Variants in ANXA2 observed in about 807,000 individuals in gnomAD.
The protein encoded by ANXA2 is annexin II.
Under a neutral mutation model 47.3 loss-of-function variants are expected in ANXA2, and 28 were observed. The observed-to-expected ratio is 0.59, with a 90% CI of 0.44 to 0.81. ANXA2 has a LOEUF of 0.81. ANXA2 is among the 40% of genes least tolerant of loss of function. The pLI is 0.00. For missense variants in ANXA2, 384 were observed against 414.3 expected, an observed-to-expected ratio of 0.93 and a Z score of 0.64; for synonymous variants, 172 against 155.5, an observed-to-expected ratio of 1.11 and a Z score of -0.79.
intron 3 of ANXA2, 122 bp from the exon 4 acceptor site, chr15:60,364,645 CCA>C: frequency 1.5e-6 from 1 of 645,734 alleles, no homozygotes; most frequent in Admixed American, 3.4e-5. Context: ...ACTGAAATAC[CCA>C]GACACCAAGA....
At chr15:60,361,907 T>G (rs1472421472) in intron 4 of ANXA2, among the ~76,000 whole-genome samples, 1 of 142,270 alleles carries the variant, frequency 7.0e-6, no homozygotes, top group Non-Finnish European at 1.5e-5. Flanking sequence ...TTCTTTTCGC[T>G]TTTTTTTTTT....
rs761886498 is a variant in ANXA2 at position 60,351,728 on chromosome 15, G to A, written c.774C>T (p.Asn258=). 10 of 1,608,288 alleles carry A rather than the reference G, an allele frequency of 6.2e-6. No individual in the cohort carries two copies. The highest frequency in any genetic ancestry group is 8.5e-6 in the Non-Finnish European group (10 of 1,174,798). Residue 258 remains asparagine (N), a synonymous_variant, in exon 10 of 13, where the codon AAC becomes AAT. Coordinates refer to ENST00000451270, the MANE Select transcript of ANXA2 (RefSeq NM_004039.3). ...ATGGGGGCCACATTCACTTACCCAG[G>A]TTCAGGAAAGCATTTTCCAGGTCTC... The part of the protein sequence containing the change: ...VKGDLENAFL[N]LVQCIQNKPL...
chr15:60,355,006 T>C (rs1361954966), intron 7 of ANXA2, among the ~76,000 whole-genome samples: 1 of 152,122 alleles, frequency 6.6e-6, no homozygotes. Context: ...GTCAGTCAGA[T>C]GCAGCTAGCC....
At chr15:60,359,136 G>A (rs2062475780) in intron 5 of ANXA2, among the ~76,000 whole-genome samples, 1 of 152,050 alleles carries the variant, frequency 6.6e-6, no homozygotes. Flanking sequence ...GATTTTGGAC[G>A]GGTATTCAAC....
rs867636855 is a variant in ANXA2, at chr15:60,355,927, G to C, written c.520C>G (p.Leu174Val). Residue 174 changes from leucine (L) to valine (V), a missense_variant, in exon 7 of 13, where the codon CTG (leucine) becomes GTG (valine). Physicochemically the swap from Leu to Val is conservative, Grantham distance 32 (BLOSUM62 1). Transcript: ENST00000451270. ...GAAACTGGGAAACCAACCTTTGCCA[G>C]GGCAACCATCAGCTTGCGGAAGTCA... ...SGDFRKLMVA[L>V]AKGRRAEDGS... 1 of 1,613,932 alleles carries C rather than the reference G, an allele frequency of 6.2e-7. No individual in the cohort carries two copies. Among genetic ancestry groups the C allele is most frequent in the East Asian group, 2.2e-5 (1 of 44,884 alleles).
At chr15:60,377,170 T>G (rs1420040025) in intron 3 of ANXA2, among the ~76,000 whole-genome samples, 5 of 152,192 alleles carry the variant, frequency 3.3e-5, no homozygotes, top group Non-Finnish European at 4.4e-5. Flanking sequence ...TTAATTACAC[T>G]TAAGGCAAAA....
chr15:60,397,656 C>T (rs2140953749), intron 1 of ANXA2, among the ~76,000 whole-genome samples: 1 of 152,164 alleles, frequency 6.6e-6, no homozygotes, highest in Admixed American at 6.5e-5. Context: ...GCCGCCTCGC[C>T]CCGCTCCCGC....
At chr15:60,397,161 G>A (rs2063091090) in intron 1 of ANXA2, 1 of 656,206 alleles carries the variant, frequency 1.5e-6, no homozygotes, top group Non-Finnish European at 1.9e-6. Context: ...AGAGGCCCCG[G>A]GGCCACGCCC....
intron 3 of ANXA2, among the ~76,000 whole-genome samples, chr15:60,372,618 A>ACTT (rs1433302887): frequency 6.6e-6 from 1 of 151,992 alleles, no homozygotes; most frequent in Admixed American, 6.6e-5. Context: ...CCAGTAGAAA[A>ACTT]GATAACCCCA....
intron 3 of ANXA2, among the ~76,000 whole-genome samples, chr15:60,376,174 T>G (rs1198417672): frequency 6.6e-6 from 1 of 151,728 alleles, no homozygotes; most frequent in Admixed American, 6.6e-5. Flanking sequence ...GGTCAGGAGC[T>G]CAAGACCAGC....
Position 60,351,808 on chromosome 15 carries a change from A to G in ANXA2, c.694T>C (p.Tyr232His). Residue 232 changes from tyrosine (Y) to histidine (H), a missense_variant, in exon 10 of 13, where the codon TAC becomes CAC. Coordinates refer to ENST00000451270, the MANE Select transcript of ANXA2 (RefSeq NM_004039.3). ...VPHLQKVFDRYKSYSPYDMLE... is the reference protein window; with the variant it reads ...VPHLQKVFDRHKSYSPYDMLE... Reference sequence around the variant, plus strand: ...ATGTCATAAGGGCTGTAACTCTTGTACCTATCAAATACTGAGGAAAAACAA... The same window carrying G: ...ATGTCATAAGGGCTGTAACTCTTGTGCCTATCAAATACTGAGGAAAAACAA... 1 of 1,611,230 alleles carries G rather than the reference A, an allele frequency of 6.2e-7. No individual in the cohort carries two copies. The highest frequency in any genetic ancestry group is 8.5e-7 in the Non-Finnish European group (1 of 1,177,390).
intron 3 of ANXA2, among the ~76,000 whole-genome samples, chr15:60,364,858 G>T (rs1250897023): frequency 6.6e-6 from 1 of 151,652 alleles, no homozygotes; most frequent in Non-Finnish European, 1.5e-5. Flanking sequence ...GAACAACAGA[G>T]ATTTAGTAGG....
intron 1 of ANXA2, 28 bp downstream of exon 1, chr15:60,397,915 G>C: frequency 7.5e-7 from 1 of 1,336,000 alleles, no homozygotes; most frequent in East Asian, 3.0e-5. Context: ...GCGGCCCATC[G>C]CGGGCGGGCA....
chr15:60,364,369 A>G, intron 4 of ANXA2, 60 bp downstream of exon 4: 1 of 1,343,366 alleles, frequency 7.4e-7, no homozygotes. Flanking sequence ...AAGAAAAAGC[A>G]ATGTCTGAGG....
intron 5 of ANXA2, among the ~76,000 whole-genome samples, chr15:60,357,545 G>A (rs1211612084): frequency 6.6e-6 from 1 of 152,126 alleles, no homozygotes; most frequent in Non-Finnish European, 1.5e-5. Flanking sequence ...TGTAATCCCA[G>A]CACTTTGGGA....
chr15:60,370,345 T>C (rs1566940536), intron 3 of ANXA2, among the ~76,000 whole-genome samples: 1 of 152,216 alleles, frequency 6.6e-6, no homozygotes, highest in Non-Finnish European at 1.5e-5. Context: ...ACTGTCTGCA[T>C]GTTTCAAATT....
intron 11 of ANXA2, 145 bp from the exon 12 acceptor site, chr15:60,349,342 C>A: frequency 1.3e-6 from 1 of 788,912 alleles, no homozygotes; most frequent in Non-Finnish European, 2.0e-6. Flanking sequence ...CATGATGCCA[C>A]AATGAAAAAT....
intron 3 of ANXA2, among the ~76,000 whole-genome samples, chr15:60,376,030 G>A (rs536143015): frequency 1.3e-5 from 2 of 152,270 alleles, no homozygotes; most frequent in East Asian, 3.9e-4. Flanking sequence ...CAGAGCCAGA[G>A]ACGAGGCTAG....
At chr15:60,397,386 G>T (rs1264815237) in intron 1 of ANXA2, 4 of 922,480 alleles carry the variant, frequency 4.3e-6, no homozygotes, top group Non-Finnish European at 5.2e-6. Flanking sequence ...TTTTATGGGG[G>T]GCTGAGGGGT....
Sources: gnomAD v4.1 joint callset for allele counts (sites outside exome capture counted in the v4.1 genomes callset) on GRCh38, gnomAD v4.1.1 for gene constraint, MANE v1.5 for transcripts, NCBI Gene and HGNC (gene_info 2026-07-23, HGNC 2026-07-21) for gene names.